Variants in FRMPD1 observed in about 807,000 individuals in gnomAD.
FRMPD1 encodes FERM and PDZ domain-containing protein 1.
A neutral mutation model predicts 117.8 loss-of-function variants in FRMPD1; 76 were observed. The observed-to-expected ratio is 0.65, with a 90% CI of 0.54 to 0.78. The LOEUF is 0.78. Ranked by LOEUF, FRMPD1 falls within the 30% of genes least tolerant of loss-of-function variation. The pLI, the probability that FRMPD1 is intolerant of heterozygous loss-of-function variation, is 0.00. For missense variants in FRMPD1, 1,786 were observed against 1,964.5 expected, an observed-to-expected ratio of 0.91 and a Z score of 1.72; for synonymous variants, 783 against 770.4, an observed-to-expected ratio of 1.02 and a Z score of -0.27.
intron 2 of FRMPD1, among the ~76,000 whole-genome samples, chr9:37,702,462 T>G (rs1822567734): frequency 1.3e-5 from 2 of 152,208 alleles, no homozygotes; most frequent in Admixed American, 6.5e-5. Flanking sequence ...GGGTCAGAGC[T>G]CCAAGATGTG....
chr9:37,711,668 G>T (rs1198992719), intron 5 of FRMPD1, among the ~76,000 whole-genome samples: 1 of 152,188 alleles, frequency 6.6e-6, no homozygotes, highest in African/African-American at 2.4e-5. Context: ...GATGGTAAGG[G>T]CACCAAACTG....
intron 8 of FRMPD1, 59 bp downstream of exon 8, chr9:37,729,912 A>T: frequency 6.4e-7 from 1 of 1,573,644 alleles, no homozygotes; most frequent in South Asian, 1.2e-5. Flanking sequence ...TGCATACCTC[A>T]GCCAGAACCT....
intron 15 of FRMPD1, among the ~76,000 whole-genome samples, chr9:37,741,585 C>T (rs1296589062): frequency 2.0e-5 from 3 of 152,274 alleles, no homozygotes; most frequent in Admixed American, 2.0e-4. Flanking sequence ...GTTCCTGTCT[C>T]GGCACTTTCC....
chr9:37,679,116 G>A (rs767153895), intron 1 of FRMPD1, among the ~76,000 whole-genome samples: 10 of 152,242 alleles, frequency 6.6e-5, no homozygotes, highest in Non-Finnish European at 1.3e-4. Flanking sequence ...GGCAGACACT[G>A]TGGTTGCATC....
intron 2 of FRMPD1, 116 bp downstream of exon 2, chr9:37,692,858 A>ACAC: frequency 1.3e-6 from 1 of 777,906 alleles, no homozygotes; most frequent in Non-Finnish European, 2.2e-6. Flanking sequence ...CTTTGTTCTT[A>ACAC]CACCATATGG....
In FRMPD1 at chr9:37,744,693, G is replaced by A. The variant is rs1033512791; in HGVS notation, c.2661G>A (p.Leu887=). 8.1e-6 allele frequency: 13 copies of A among 1,613,900 alleles called. No homozygotes were observed. The highest frequency in any genetic ancestry group is 2.2e-5 in the East Asian group (1 of 44,874). Residue 887 remains leucine (L), a synonymous_variant, in exon 16 of 16, where the codon CTG becomes CTA. Transcript: ENST00000377765. ...LGAPSPTVSS[L]QDMQGEPGLL... ...CACCCTCCCCAACTGTGTCCTCTCTGCAGGACATGCAGGGTGAGCCTGGCC... is the reference window on the plus strand; with the variant it reads ...CACCCTCCCCAACTGTGTCCTCTCTACAGGACATGCAGGGTGAGCCTGGCC...
chr9:37,667,402 A>G (rs899190547), intron 1 of FRMPD1, among the ~76,000 whole-genome samples: 4 of 148,692 alleles, frequency 2.7e-5, no homozygotes, highest in African/African-American at 7.4e-5. Flanking sequence ...GCTGGCCACA[A>G]TGGCTCACTC....
the FRMPD1 span, among the ~76,000 whole-genome samples, chr9:37,638,028 C>T: frequency 1.9e-3 from 206 of 105,690 alleles, 10 homozygotes; most frequent in African/African-American, 7.4e-3. Context: ...TTCTTTCTCT[C>T]TCTTTCTTCC....
chr9:37,673,433 G>A (rs886123660), intron 1 of FRMPD1, among the ~76,000 whole-genome samples: 8 of 152,188 alleles, frequency 5.3e-5, no homozygotes, highest in Admixed American at 2.0e-4. Flanking sequence ...TGCTTTCATG[G>A]GCTGGCGTTG....
At chr9:37,744,352 G>A in intron 15 of FRMPD1, 37 bp from the exon 16 acceptor site, 6 of 1,458,852 alleles carry the variant, frequency 4.1e-6, no homozygotes, top group Non-Finnish European at 5.6e-6. Context: ...TCTTTTTTTT[G>A]TGCTTTTTAA....
chr9:37,628,540 T>C, the FRMPD1 span, among the ~76,000 whole-genome samples: 4 of 152,212 alleles, frequency 2.6e-5, no homozygotes, highest in Admixed American at 6.5e-5. Context: ...TTTGTTTTCT[T>C]AATAAGCCTA....
At chr9:37,704,378 T>C (rs1384167604) in intron 2 of FRMPD1, among the ~76,000 whole-genome samples, 1 of 152,180 alleles carries the variant, frequency 6.6e-6, no homozygotes, top group Non-Finnish European at 1.5e-5. Context: ...AAATAAAATA[T>C]ATGTTATTAA....
In FRMPD1 at chr9:37,729,854, G is replaced by A; in HGVS notation, c.738+1G>A. On this transcript the variant is annotated splice_donor_variant, in intron 8 of 15. Coordinates refer to ENST00000377765, the MANE Select transcript of FRMPD1 (RefSeq NM_014907.3). LOFTEE classifies it high-confidence loss of function. ...GCACGAAGAGGAACTCATCCAGCAG[G>A]TAGGGAGGACTGACCGCCTGTTCCT... 6.2e-7 allele frequency: 1 copy of A among 1,613,162 alleles called. No homozygotes were observed. Among genetic ancestry groups the A allele is most frequent in the Non-Finnish European group, 8.5e-7 (1 of 1,179,662 alleles).
At chr9:37,737,355 G>T in intron 14 of FRMPD1, 112 bp downstream of exon 14, 2 of 793,582 alleles carry the variant, frequency 2.5e-6, no homozygotes, top group Non-Finnish European at 4.1e-6. Flanking sequence ...TTCAGCTCAA[G>T]TGGATGAGAG....
chr9:37,732,553 T>TC, intron 10 of FRMPD1, 113 bp downstream of exon 10: 1 of 1,055,842 alleles, frequency 9.5e-7, no homozygotes, highest in East Asian at 2.6e-5. Context: ...CTGTCTGTTG[T>TC]CTTTCCATCC....
At chr9:37,712,172 CTG>C (rs1233104135) in intron 5 of FRMPD1, among the ~76,000 whole-genome samples, 1 of 152,074 alleles carries the variant, frequency 6.6e-6, no homozygotes, top group Non-Finnish European at 1.5e-5. Flanking sequence ...AAATGAAAAA[CTG>C]TGCAGGTCCC....
intron 5 of FRMPD1, among the ~76,000 whole-genome samples, chr9:37,716,608 G>A (rs999131613): frequency 2.0e-5 from 3 of 152,170 alleles, no homozygotes; most frequent in Non-Finnish European, 4.4e-5. Context: ...TTTTCTTCCT[G>A]CAGATTCCTT....
At chr9:37,686,984 C>T (rs1488218364) in intron 1 of FRMPD1, among the ~76,000 whole-genome samples, 2 of 152,210 alleles carry the variant, frequency 1.3e-5, no homozygotes, top group Non-Finnish European at 2.9e-5. Flanking sequence ...GCTCTTAGAT[C>T]TAGTGGAGAC....
At chr9:37,698,789 G>A (rs1588938400) in intron 2 of FRMPD1, among the ~76,000 whole-genome samples, 1 of 150,566 alleles carries the variant, frequency 6.6e-6, no homozygotes, top group Non-Finnish European at 1.5e-5. Context: ...CCCAGGCTGC[G>A]GTGCAATGGT....
Sources: gnomAD v4.1 joint callset for allele counts (sites outside exome capture counted in the v4.1 genomes callset) on GRCh38, gnomAD v4.1.1 for gene constraint, MANE v1.5 for transcripts, NCBI Gene and HGNC (gene_info 2026-07-23, HGNC 2026-07-21) for gene names.